The following MAGI1 variants were observed in gnomAD, a reference collection of about 807,000 sequenced individuals.
The protein encoded by MAGI1 is membrane-associated guanylate kinase, WW and PDZ domain-containing protein 1.
MAGI1 carries 58 observed loss-of-function variants against 139.9 expected under a neutral mutation model. The ratio of observed to expected loss-of-function variants is 0.41; its 90% CI spans 0.34 to 0.52. The LOEUF is 0.52. Among genes scored for constraint, MAGI1 ranks in the 20% least tolerant of loss-of-function variants. MAGI1 has a pLI of 0.12. For synonymous variants in MAGI1, 812 were observed against 737.9 expected (o/e 1.10, Z -1.63); for missense variants, 1,874 against 1,901.6 (o/e 0.99, Z 0.27).
At chr3:65,791,379 T>C (rs1376108985) in intron 1 of MAGI1, among the ~76,000 whole-genome samples, 2 of 152,228 alleles carry the variant, frequency 1.3e-5, no homozygotes, top group African/African-American at 4.8e-5. Flanking sequence ...TGGTTAAGAA[T>C]ATTCTTAAGC....
chr3:65,716,770 T>A (rs936118584), intron 1 of MAGI1, among the ~76,000 whole-genome samples: 3 of 152,202 alleles, frequency 2.0e-5, no homozygotes, highest in African/African-American at 7.2e-5. Context: ...CTGACCAGGC[T>A]TTGTGTTAGG....
intron 1 of MAGI1, among the ~76,000 whole-genome samples, chr3:65,727,882 T>C (rs768516753): frequency 6.6e-6 from 1 of 152,182 alleles, no homozygotes; most frequent in Non-Finnish European, 1.5e-5. Flanking sequence ...AATTATGTTA[T>C]ACTTTTAAGG....
At chr3:65,400,781 T>C (rs1304425400) in intron 13 of MAGI1, among the ~76,000 whole-genome samples, 1 of 113,330 alleles carries the variant, frequency 8.8e-6, no homozygotes, top group Non-Finnish European at 1.9e-5. Flanking sequence ...TTTTTTTTTT[T>C]TTTTTTTTAA....
chr3:65,970,747 A>T (rs1444510514), intron 1 of MAGI1, among the ~76,000 whole-genome samples: 1 of 152,216 alleles, frequency 6.6e-6, no homozygotes, highest in Non-Finnish European at 1.5e-5. Context: ...TATGGGTTCC[A>T]GGGAAGTTTG....
chr3:65,467,807 A>T (rs1950263791), intron 5 of MAGI1, among the ~76,000 whole-genome samples: 1 of 152,214 alleles, frequency 6.6e-6, no homozygotes, highest in Non-Finnish European at 1.5e-5. Context: ...CCCTTTTCTC[A>T]GCGTAATTCT....
intron 1 of MAGI1, among the ~76,000 whole-genome samples, chr3:65,834,559 T>C (rs1036168928): frequency 9.9e-5 from 15 of 152,260 alleles, no homozygotes; most frequent in African/African-American, 3.6e-4. Context: ...TCTACTTTTG[T>C]TGGGTGGAAG....
chr3:65,766,498 A>T (rs1015329872), intron 1 of MAGI1, among the ~76,000 whole-genome samples: 31 of 152,258 alleles, frequency 2.0e-4, no homozygotes, highest in Admixed American at 1.7e-3. Context: ...TCTTGACCTC[A>T]GGTGATCCGC....
chr3:65,725,261 T>A (rs765148296), intron 1 of MAGI1, among the ~76,000 whole-genome samples: 139 of 152,260 alleles, frequency 9.1e-4, no homozygotes, highest in Middle Eastern at 3.4e-3. Flanking sequence ...CCAGGCTCTA[T>A]CTCCTTATAG....
At position 65,921,919 on chromosome 3, in the gene MAGI1, G is replaced by GACACACAC. The variant is rs35532734; in HGVS notation, c.313+116069_313+116076dup. Among the ~76,000 whole-genome samples the GACACACAC allele has an allele frequency of 3.9e-3, 553 of 140,828 alleles. 4 individuals are homozygous for GACACACAC. The highest frequency in any genetic ancestry group is 0.012 in the African/African-American group (463 of 37,756). The allele number at this position is 140,828 out of a possible 152,430, so 92.4% of individuals were successfully genotyped here. On this transcript the variant is annotated intron_variant, in intron 1 of 22. Coordinates refer to ENST00000402939, the MANE Select transcript of MAGI1 (RefSeq NM_001033057.2). ...AGACCCTATCTCCAACCACACACACGACACACACACACACACACACACACA... is the reference window on the plus strand; with the variant it reads ...AGACCCTATCTCCAACCACACACACGACACACACACACACACACACACACACACACACA...
intron 1 of MAGI1, among the ~76,000 whole-genome samples, chr3:65,722,971 TA>T (rs151181033): frequency 0.018 from 2,390 of 134,590 alleles, 19 homozygotes; most frequent in Middle Eastern, 0.068. Context: ...TCTGTTGTAG[TA>T]AAAAAAAAAA....
intron 10 of MAGI1, among the ~76,000 whole-genome samples, chr3:65,431,555 G>A (rs1482211563): frequency 6.6e-6 from 1 of 151,944 alleles, no homozygotes; most frequent in African/African-American, 2.4e-5. Context: ...TTTAAAACAA[G>A]TTTAGGATAT....
chr3:65,784,047 T>G (rs1038246186), intron 1 of MAGI1, among the ~76,000 whole-genome samples: 4 of 151,424 alleles, frequency 2.6e-5, no homozygotes, highest in African/African-American at 9.7e-5. Context: ...CCCTTGAACC[T>G]GGGAGGTGGA....
At chr3:65,983,732 G>A (rs1214293896) in intron 1 of MAGI1, among the ~76,000 whole-genome samples, 3 of 151,998 alleles carry the variant, frequency 2.0e-5, no homozygotes, top group Non-Finnish European at 2.9e-5. Context: ...ACTCCTCCTA[G>A]AGAGAACATT....
chr3:65,955,404 T>C (rs776559832), intron 1 of MAGI1, among the ~76,000 whole-genome samples: 4 of 152,292 alleles, frequency 2.6e-5, no homozygotes, highest in East Asian at 3.9e-4. Context: ...AGTGGCTACA[T>C]AGTAAGTGGT....
intron 1 of MAGI1, among the ~76,000 whole-genome samples, chr3:65,815,407 C>T (rs1447097825): frequency 6.6e-6 from 1 of 152,194 alleles, no homozygotes; most frequent in Non-Finnish European, 1.5e-5. Context: ...GAGCAAGCAA[C>T]TTCTGGTAGA....
In MAGI1 at chr3:65,625,886, A is replaced by C. The variant is rs181397690; in HGVS notation, c.314-3798T>G. Reference sequence around the variant, plus strand: ...AAATAGTGTGGACCTATGTAAACTCATTAATAAACATTTAGTGTGTGGTTA... The same window carrying C: ...AAATAGTGTGGACCTATGTAAACTCCTTAATAAACATTTAGTGTGTGGTTA... On this transcript the variant is annotated intron_variant, in intron 1 of 22. Transcript: ENST00000402939. Among the ~76,000 whole-genome samples, 432 of 152,356 alleles carry C rather than the reference A, an allele frequency of 2.8e-3. 1 individual carries two copies. Among genetic ancestry groups the C allele is most frequent in the African/African-American group, 9.9e-3 (413 of 41,586 alleles).
intron 2 of MAGI1, among the ~76,000 whole-genome samples, chr3:65,555,089 T>C (rs947113193): frequency 6.6e-6 from 1 of 152,218 alleles, no homozygotes; most frequent in African/African-American, 2.4e-5. Context: ...GGAGAATAAA[T>C]GGGAACACGC....
intron 1 of MAGI1, among the ~76,000 whole-genome samples, chr3:65,712,034 G>A (rs1438259750): frequency 1.3e-5 from 2 of 152,152 alleles, no homozygotes; most frequent in Non-Finnish European, 2.9e-5. Context: ...GACAGAAAGA[G>A]AGGGTGTTTC....
intron 1 of MAGI1, among the ~76,000 whole-genome samples, chr3:65,664,755 G>C (rs1264819221): frequency 6.6e-6 from 1 of 152,164 alleles, no homozygotes; most frequent in Non-Finnish European, 1.5e-5. Context: ...GATCAAACAA[G>C]ACCATGGCCT....
Sources: gnomAD v4.1 joint callset for allele counts (sites outside exome capture counted in the v4.1 genomes callset) on GRCh38, gnomAD v4.1.1 for gene constraint, MANE v1.5 for transcripts, NCBI Gene and HGNC (gene_info 2026-07-23, HGNC 2026-07-21) for gene names.